The following ASPRV1 variants were observed in gnomAD, a reference collection of about 807,000 sequenced individuals.
ASPRV1 encodes the protein retroviral-like aspartic protease 1.
In ASPRV1, 7 loss-of-function variants were observed where a neutral mutation model predicts 11.0. The observed-to-expected ratio is 0.64, with a 90% CI of 0.36 to 1.20. The LOEUF is 1.20. Ranked by LOEUF, ASPRV1 falls within the 50% of genes most tolerant of loss-of-function variation. ASPRV1 has a pLI of 0.02. For synonymous variants in ASPRV1, 136 were observed against 138.4 expected, an observed-to-expected ratio of 0.98 and a Z score of 0.12; for missense variants, 299 against 320.0, an observed-to-expected ratio of 0.93 and a Z score of 0.50.
the ASPRV1 span, among the ~76,000 whole-genome samples, chr2:69,968,961 G>A: frequency 2.0e-5 from 3 of 152,302 alleles, no homozygotes; most frequent in Admixed American, 6.5e-5. Context: ...CTCACTCTCC[G>A]TGGGTTCCCT....
the ASPRV1 span, among the ~76,000 whole-genome samples, chr2:70,009,437 C>A: frequency 1.3e-5 from 2 of 152,110 alleles, no homozygotes; most frequent in African/African-American, 4.8e-5. Flanking sequence ...TCAAGCGATT[C>A]TCCTGCCTCA....
At chr2:70,015,739 G>C in the ASPRV1 span, 1 of 152,180 alleles carries the variant, frequency 6.6e-6, no homozygotes, top group South Asian at 2.1e-4. Flanking sequence ...GACGTGGGCA[G>C]ATCACTGGAA....
chr2:69,979,532 C>T, the ASPRV1 span, among the ~76,000 whole-genome samples: 1 of 152,180 alleles, frequency 6.6e-6, no homozygotes, highest in Admixed American at 6.5e-5. Context: ...GGGCAGGACA[C>T]AGAGGTGGGG....
the ASPRV1 span, chr2:70,030,260 T>G: frequency 6.6e-6 from 1 of 152,264 alleles, no homozygotes; most frequent in East Asian, 1.9e-4. Flanking sequence ...CAGCCTCAGC[T>G]GGGAGGAGGA....
the ASPRV1 span, among the ~76,000 whole-genome samples, chr2:69,967,937 T>C: frequency 6.6e-6 from 1 of 151,816 alleles, no homozygotes; most frequent in Non-Finnish European, 1.5e-5. Flanking sequence ...CAAAAATTAG[T>C]TGGGCGTGGT....
the ASPRV1 span, chr2:70,071,789 T>C: frequency 2.0e-5 from 3 of 151,486 alleles, no homozygotes; most frequent in Non-Finnish European, 2.9e-5. Context: ...GAAGTCTCAA[T>C]TAGATTTCAA....
chr2:69,965,999 A>G (rs2104303823), upstream of ASPRV1, among the ~76,000 whole-genome samples: 2 of 152,268 alleles, frequency 1.3e-5, no homozygotes, highest in Non-Finnish European at 2.9e-5. Context: ...CCCTCTAACC[A>G]AAGTGGCCCA....
chr2:70,039,863 G>A, the ASPRV1 span, among the ~76,000 whole-genome samples: 3 of 152,140 alleles, frequency 2.0e-5, no homozygotes, highest in Non-Finnish European at 4.4e-5. Flanking sequence ...CATTACAACC[G>A]GAGACTATTA....
At chr2:70,076,371 C>T in the ASPRV1 span, among the ~76,000 whole-genome samples, 2 of 152,172 alleles carry the variant, frequency 1.3e-5, no homozygotes, top group South Asian at 4.1e-4. Flanking sequence ...TTTCTCTAAG[C>T]CTTTGTTTAT....
At chr2:70,045,075 G>A in the ASPRV1 span, among the ~76,000 whole-genome samples, 12 of 152,214 alleles carry the variant, frequency 7.9e-5, no homozygotes, top group African/African-American at 2.9e-4. Flanking sequence ...ATAGAATCTA[G>A]TATTCTATAA....
chr2:69,996,465 TGTTCAATA>T, the ASPRV1 span, among the ~76,000 whole-genome samples: 1 of 152,116 alleles, frequency 6.6e-6, no homozygotes, highest in Admixed American at 6.5e-5. Flanking sequence ...ACATCTCAAA[TGTTCAATA>T]GCCACATGTG....
chr2:69,961,093 T>G lies in ASPRV1; in HGVS notation c.344A>C (p.Lys115Thr). 6.2e-7 allele frequency: 1 copy of G among 1,613,870 alleles called. No individual in the cohort carries two copies. The highest frequency in any genetic ancestry group is 8.5e-7 in the Non-Finnish European group (1 of 1,179,868). The part of the protein sequence containing the change: ...ANSMGKGYYL[K>T]GKIGKVPVRF... ...CACGGGCACTTTGCCAATCTTCCCC[T>G]TGAGATAGTAGCCCTTACCCATGCT... Residue 115 changes from lysine to threonine, a missense_variant, in exon 1 of 1, where the codon AAG (lysine) becomes ACG (threonine). Physicochemically the swap from Lys to Thr is moderately conservative, Grantham distance 78. Coordinates refer to ENST00000320256, the MANE Select transcript of ASPRV1 (RefSeq NM_152792.4).
chr2:69,951,932 C>T, the ASPRV1 span, among the ~76,000 whole-genome samples: 1 of 152,174 alleles, frequency 6.6e-6, no homozygotes, highest in African/African-American at 2.4e-5. Flanking sequence ...TTATACACTG[C>T]TTAGCTAACA....
At chr2:70,084,226 G>A in the ASPRV1 span, among the ~76,000 whole-genome samples, 1 of 152,198 alleles carries the variant, frequency 6.6e-6, no homozygotes, top group African/African-American at 2.4e-5. Context: ...ATTTTCTCTA[G>A]AGAAAAGAAA....
At chr2:70,060,750 A>G in the ASPRV1 span, among the ~76,000 whole-genome samples, 1 of 152,244 alleles carries the variant, frequency 6.6e-6, no homozygotes, top group Non-Finnish European at 1.5e-5. Flanking sequence ...TGCAAGGCAG[A>G]GGCTGCAGTA....
At chr2:70,046,477 G>A in the ASPRV1 span, 6 of 152,278 alleles carry the variant, frequency 3.9e-5, no homozygotes, top group East Asian at 9.6e-4. Flanking sequence ...GATTATTAAG[G>A]CTAAAATCAG....
At chr2:69,962,938 G>A (rs1678183898), upstream of ASPRV1, 1 of 273,346 alleles carries the variant, frequency 3.7e-6, no homozygotes, top group Non-Finnish European at 7.5e-6. Flanking sequence ...TCACCAAACA[G>A]GAGTGATTAA....
At chr2:70,058,916 T>TC in the ASPRV1 span, among the ~76,000 whole-genome samples, 1 of 133,660 alleles carries the variant, frequency 7.5e-6, no homozygotes, top group Non-Finnish European at 1.6e-5. Context: ...AGACAGAGTC[T>TC]CACTCTGTCA....
At chr2:69,969,776 A>T in the ASPRV1 span, among the ~76,000 whole-genome samples, 5 of 152,074 alleles carry the variant, frequency 3.3e-5, no homozygotes, top group Non-Finnish European at 5.9e-5. Context: ...CCTAGGCTGA[A>T]ATGCCATGGC....
Sources: allele counts gnomAD v4.1 joint callset (sites outside exome capture counted in the v4.1 genomes callset), GRCh38; gene constraint gnomAD v4.1.1; transcripts MANE v1.5; gene names NCBI Gene and HGNC (gene_info 2026-07-23, HGNC 2026-07-21).